SRGAP3: variants seen among roughly 807,000 people sequenced by gnomAD.
SRGAP3 encodes SLIT-ROBO Rho GTPase activating protein 3, also known as SLIT-ROBO Rho GTPase-activating protein 3.
A neutral mutation model predicts 121.1 loss-of-function variants in SRGAP3; 39 were observed. The observed-to-expected ratio is 0.32, with a 90% CI of 0.25 to 0.42. The LOEUF (loss-of-function observed/expected upper bound fraction) is 0.42. Ranked by LOEUF, SRGAP3 falls within the 10% of genes least tolerant of loss-of-function variation. SRGAP3 has a pLI of 1.00. For synonymous variants in SRGAP3, 601 were observed against 570.0 expected, an observed-to-expected ratio of 1.05 and a Z score of -0.77; for missense variants, 1,213 against 1,470.6, an observed-to-expected ratio of 0.82 and a Z score of 2.86.
intron 1 of SRGAP3, among the ~76,000 whole-genome samples, chr3:9,211,079 G>T (rs1952431176): frequency 6.6e-6 from 1 of 152,118 alleles, no homozygotes; most frequent in South Asian, 2.1e-4. Flanking sequence ...CAGTAGGTCT[G>T]ATTTTCTTAA....
intron 3 of SRGAP3, among the ~76,000 whole-genome samples, chr3:9,304,993 G>T (rs1000755307): frequency 2.0e-5 from 3 of 152,190 alleles, no homozygotes; most frequent in African/African-American, 7.2e-5. Flanking sequence ...ACCTTCAGAG[G>T]TTGTTCCATC....
At chr3:9,313,487 G>A (rs1477159276) in intron 3 of SRGAP3, among the ~76,000 whole-genome samples, 1 of 151,926 alleles carries the variant, frequency 6.6e-6, no homozygotes, top group East Asian at 1.9e-4. Context: ...TCAGGAGTTC[G>A]AGACCAGCCT....
chr3:9,065,763 G>GT, intron 4 of SRGAP3, among the ~76,000 whole-genome samples: 1 of 152,214 alleles, frequency 6.6e-6, no homozygotes, highest in African/African-American at 2.4e-5. Flanking sequence ...GATGTTTATA[G>GT]TTTTTAGCTA....
At chr3:9,142,810 C>A (rs1262594527) in intron 1 of SRGAP3, among the ~76,000 whole-genome samples, 1 of 141,244 alleles carries the variant, frequency 7.1e-6, no homozygotes, top group Non-Finnish European at 1.5e-5. Context: ...GCGTGTCAAC[C>A]AAGTTGGTGG....
At chr3:9,298,166 G>A (rs1351442995) in intron 3 of SRGAP3, among the ~76,000 whole-genome samples, 2 of 152,170 alleles carry the variant, frequency 1.3e-5, no homozygotes, top group Non-Finnish European at 2.9e-5. Flanking sequence ...TTTTCTGAAA[G>A]ATAAAATAGG....
At chr3:9,198,979 T>C (rs1411212139) in intron 1 of SRGAP3, among the ~76,000 whole-genome samples, 3 of 152,178 alleles carry the variant, frequency 2.0e-5, no homozygotes, top group Non-Finnish European at 4.4e-5. Flanking sequence ...TTTCCAGCAC[T>C]TCTCGCAGCG....
intron 4 of SRGAP3, chr3:9,065,168 G>GTAAC (rs1345926996): frequency 6.6e-6 from 1 of 152,164 alleles, no homozygotes; most frequent in Non-Finnish European, 1.5e-5. Flanking sequence ...GTAATATTAA[G>GTAAC]TAACCCAATA....
intron 1 of SRGAP3, among the ~76,000 whole-genome samples, chr3:9,208,247 G>C (rs1391591340): frequency 6.6e-6 from 1 of 151,708 alleles, no homozygotes; most frequent in Admixed American, 6.6e-5. Context: ...TCCAGTCCTA[G>C]TCAGTCTAGC....
intron 21 of SRGAP3, 129 bp downstream of exon 21, chr3:8,990,383 C>A (rs566295003): frequency 2.4e-4 from 289 of 1,221,642 alleles, no homozygotes; most frequent in Non-Finnish European, 2.9e-4. Context: ...GGAGGCCACT[C>A]ACTCTCCTGT....
At chr3:9,060,425 T>C (rs1946092622) in intron 5 of SRGAP3, 66 bp from the exon 6 acceptor site, 5 of 1,490,564 alleles carry the variant, frequency 3.4e-6, no homozygotes, top group Middle Eastern at 1.9e-4. Flanking sequence ...TGATTTTCTA[T>C]TCCTTTTTTT....
At chr3:9,294,915 C>T (rs1306635954) in intron 3 of SRGAP3, among the ~76,000 whole-genome samples, 2 of 152,098 alleles carry the variant, frequency 1.3e-5, no homozygotes, top group Non-Finnish European at 2.9e-5. Flanking sequence ...GTTAGTGTTC[C>T]TTCCTGCCCT....
intron 2 of SRGAP3, among the ~76,000 whole-genome samples, chr3:9,105,994 T>C (rs1017249782): frequency 2.0e-5 from 3 of 152,214 alleles, no homozygotes; most frequent in African/African-American, 7.2e-5. Context: ...TTGAATGCTA[T>C]CCTGAAAGTG....
rs543950862 is a variant in SRGAP3 at position 9,003,785 on chromosome 3, G to A, written c.2227+6523C>T. On this transcript the variant is annotated intron_variant, in intron 18 of 21. Coordinates refer to ENST00000383836, the MANE Select transcript of SRGAP3 (RefSeq NM_014850.4). ...AAATGGCATCTATGAAAAACCCACAGCTAACATCATACGTAACAGTGAAAT... is the reference window on the plus strand; with the variant it reads ...AAATGGCATCTATGAAAAACCCACAACTAACATCATACGTAACAGTGAAAT... Among the ~76,000 whole-genome samples the A allele has an allele frequency of 1.2e-4, 19 of 152,266 alleles. No homozygotes were observed. The South Asian group carries it at 3.1e-3, about 25-fold the overall frequency.
chr3:9,177,113 A>G (rs422810), intron 1 of SRGAP3, among the ~76,000 whole-genome samples: 66,926 of 151,920 alleles, frequency 0.44, 15,478 homozygotes, highest in African/African-American at 0.59. Context: ...AAACTTCAGG[A>G]AAAATCGTGT....
chr3:9,300,083 T>G (rs1443450457), intron 3 of SRGAP3, among the ~76,000 whole-genome samples: 1 of 144,656 alleles, frequency 6.9e-6, no homozygotes, highest in Non-Finnish European at 1.5e-5. Context: ...TAAGAGATAA[T>G]GTATGAGAAA....
At chr3:9,241,374 G>C (rs1953630652) in intron 1 of SRGAP3, among the ~76,000 whole-genome samples, 1 of 152,154 alleles carries the variant, frequency 6.6e-6, no homozygotes, top group Non-Finnish European at 1.5e-5. Context: ...AACTCTAGTA[G>C]TAAAAACTCC....
At chr3:9,293,021 A>G (rs979478801) in intron 3 of SRGAP3, 2 of 149,882 alleles carry the variant, frequency 1.3e-5, no homozygotes, top group African/African-American at 4.9e-5. Flanking sequence ...AAAAAAAAAG[A>G]AAGAAAGAAA....
At chr3:9,316,318 G>A (rs949904249) in intron 3 of SRGAP3, among the ~76,000 whole-genome samples, 1 of 151,170 alleles carries the variant, frequency 6.6e-6, no homozygotes, top group Admixed American at 6.6e-5. Flanking sequence ...CAAAGTGCTG[G>A]GATTACAGGT....
At position 9,249,176 on chromosome 3, in the gene SRGAP3, G is replaced by C. The variant is rs1953928589; in HGVS notation, c.-225C>G. 1.7e-6 allele frequency: 1 copy of C among 591,372 alleles called. No homozygotes were observed. The highest frequency in any genetic ancestry group is 2.0e-5 in the South Asian group (1 of 49,764). The allele number at this position is 591,372 out of a possible 1,614,324, so 36.6% of individuals were successfully genotyped here. A position where few individuals can be genotyped will look rare whatever the true frequency, so the allele number is the denominator to read the frequency against. On this transcript the variant is annotated 5_prime_UTR_variant, in exon 1 of 22. Transcript: ENST00000383836. Reference sequence around the variant, plus strand: ...TGGCTCTAGTAGCTTGCCCTGGTCAGCTCCTCTTGCAAAAGAAGAATCACC... The same window carrying C: ...TGGCTCTAGTAGCTTGCCCTGGTCACCTCCTCTTGCAAAAGAAGAATCACC...
Sources: gnomAD v4.1 joint callset for allele counts (sites outside exome capture counted in the v4.1 genomes callset) on GRCh38, gnomAD v4.1.1 for gene constraint, MANE v1.5 for transcripts, NCBI Gene and HGNC (gene_info 2026-07-23, HGNC 2026-07-21) for gene names.